Variants in WDR72 observed in about 807,000 individuals in gnomAD.
WDR72 encodes WD repeat domain 72, also known as WD repeat-containing protein 72.
Under a neutral mutation model 124.2 loss-of-function variants are expected in WDR72, and 120 were observed. The ratio of observed to expected loss-of-function variants is 0.97; its 90% CI spans 0.83 to 1.12. WDR72 has a LOEUF of 1.12. Ranked by LOEUF, WDR72 falls within the 50% of genes most tolerant of loss-of-function variation. The pLI, the probability that WDR72 is intolerant of heterozygous loss-of-function variation, is 0.00. For missense variants in WDR72, 1,387 were observed against 1,278.8 expected (o/e 1.08, Z -1.29); for synonymous variants, 452 against 441.7 (o/e 1.02, Z -0.29).
chr15:53,742,242 G>A (rs933504246), intron 1 of WDR72, among the ~76,000 whole-genome samples: 2 of 152,078 alleles, frequency 1.3e-5, no homozygotes, highest in African/African-American at 4.8e-5. Context: ...CATGTCTTCT[G>A]ATATCCCTAA....
At position 53,714,444 on chromosome 15, in the gene WDR72, T is replaced by C. The variant is rs2017646747; in HGVS notation, c.581A>G (p.Asn194Ser). Residue 194 changes from asparagine (N) to serine (S), a missense_variant, in exon 6 of 20, where the codon AAC becomes AGC. Transcript: ENST00000360509. ...GGTTCCCAAGCCAACCTGAATGCTG[T>C]TGATAGATGAGGAAAGATCCCATAC... Reference protein sequence around the residue: ...LKVWDLSSSINSIQEKQDVYE... With the variant: ...LKVWDLSSSISSIQEKQDVYE... 2 of 1,613,558 alleles carry C rather than the reference T, an allele frequency of 1.2e-6. No individual in the cohort carries two copies. Among genetic ancestry groups the C allele is most frequent in the Non-Finnish European group, 1.7e-6 (2 of 1,179,696 alleles).
chr15:53,516,513 A>G lies in WDR72; in HGVS notation c.*1186T>C, dbSNP rs1205365089. ...GATATAGCTATATATCATATATTTA[A>G]TGCTTTATATCCCTTTTTCAATTAT... is the stretch of plus-strand genomic sequence containing the variant. On this transcript the variant is annotated 3_prime_UTR_variant, in exon 20 of 20. Transcript: ENST00000360509. 1 of 151,582 alleles carries G rather than the reference A, an allele frequency of 6.6e-6. No homozygotes were observed. The highest frequency in any genetic ancestry group is 2.4e-5 in the African/African-American group (1 of 41,262). 9.4% of individuals were successfully genotyped at this position (151,582 alleles called of 1,614,324 possible).
intron 1 of WDR72, among the ~76,000 whole-genome samples, chr15:53,739,606 T>A (rs1410638778): frequency 6.6e-6 from 1 of 152,216 alleles, no homozygotes; most frequent in Non-Finnish European, 1.5e-5. Flanking sequence ...AAGTGAAGAC[T>A]GCAAAGCAGG....
chr15:53,723,912 T>C (rs992583768), intron 2 of WDR72, among the ~76,000 whole-genome samples: 1 of 152,168 alleles, frequency 6.6e-6, no homozygotes, highest in Non-Finnish European at 1.5e-5. Context: ...GTTGAATCCA[T>C]GGATGCAGAA....
chr15:53,663,663 C>T (rs1253319305), intron 14 of WDR72, among the ~76,000 whole-genome samples: 1 of 151,796 alleles, frequency 6.6e-6, no homozygotes, highest in African/African-American at 2.4e-5. Context: ...AAGAGACATT[C>T]CCCCGGTTCT....
intron 18 of WDR72, among the ~76,000 whole-genome samples, chr15:53,530,316 G>T (rs1892380083): frequency 6.6e-6 from 1 of 151,796 alleles, no homozygotes; most frequent in East Asian, 2.0e-4. Context: ...TACAGATAAT[G>T]AAGAAAAAGA....
chr15:53,583,888 T>C (rs941293767), intron 18 of WDR72, among the ~76,000 whole-genome samples: 6 of 151,984 alleles, frequency 3.9e-5, no homozygotes, highest in African/African-American at 1.4e-4. Context: ...TCATTGAATA[T>C]TAATATAAAC....
chr15:53,579,862 G>A (rs1039269155), intron 18 of WDR72, among the ~76,000 whole-genome samples: 1 of 152,074 alleles, frequency 6.6e-6, no homozygotes, highest in South Asian at 2.1e-4. Flanking sequence ...GCCTGTAATA[G>A]AAAGATCAAG....
intron 17 of WDR72, among the ~76,000 whole-genome samples, chr15:53,602,502 A>C (rs796147150): frequency 6.6e-6 from 1 of 152,082 alleles, no homozygotes; most frequent in Non-Finnish European, 1.5e-5. Context: ...GAACTAAAGG[A>C]GATAACTCAC....
intron 14 of WDR72, among the ~76,000 whole-genome samples, chr15:53,617,516 G>A (rs529083817): frequency 5.1e-4 from 77 of 151,492 alleles, no homozygotes; most frequent in Non-Finnish European, 6.5e-4. Context: ...ATTATAAATG[G>A]TAAAAAATGA....
Position 53,733,028 on chromosome 15 carries a change from A to G in WDR72, c.122T>C (p.Leu41Pro). The G allele has an allele frequency of 6.2e-7, 1 of 1,614,088 alleles. No individual in the cohort carries two copies. The highest frequency in any genetic ancestry group is 8.5e-7 in the Non-Finnish European group (1 of 1,179,970). ...TTCATGTGAGAGATTCCAGAGACAGAGCTGACCCTCTTGACTTCCAGTCAC... is the reference window on the plus strand; with the variant it reads ...TTCATGTGAGAGATTCCAGAGACAGGGCTGACCCTCTTGACTTCCAGTCAC... ...TIVTGSQEGQ[L>P]CLWNLSHELK... The change falls in exon 2 of 20, where the codon CTC becomes CCC. Residue 41 changes from leucine (L) to proline (P), a missense_variant. Transcript: ENST00000360509.
intron 16 of WDR72, among the ~76,000 whole-genome samples, chr15:53,613,138 G>C (rs779793218): frequency 9.9e-5 from 15 of 152,116 alleles, no homozygotes; most frequent in Non-Finnish European, 1.9e-4. Context: ...AAGCAGGTTT[G>C]GGAGATACAT....
chr15:53,659,331 C>A (rs689631), intron 14 of WDR72, among the ~76,000 whole-genome samples: 2 of 152,016 alleles, frequency 1.3e-5, no homozygotes, highest in Non-Finnish European at 2.9e-5. Context: ...AGAGTCCTTC[C>A]GTTGCTGGCA....
chr15:53,536,831 C>A (rs1892788440), intron 18 of WDR72, among the ~76,000 whole-genome samples: 1 of 152,146 alleles, frequency 6.6e-6, no homozygotes, highest in Non-Finnish European at 1.5e-5. Context: ...AGCTGCTTGA[C>A]CGTAAAAAGT....
intron 18 of WDR72, among the ~76,000 whole-genome samples, chr15:53,575,229 T>G (rs1246013721): frequency 6.6e-6 from 1 of 152,110 alleles, no homozygotes; most frequent in Non-Finnish European, 1.5e-5. Flanking sequence ...AACTGTCAAG[T>G]CAGAAAACTC....
In WDR72 at chr15:53,665,742, C is replaced by T; in HGVS notation, c.1792G>A (p.Glu598Lys). ...CAATTAAGAATAATTCGTGCTCTTT[C>T]TCCTGTCTCATGTCTTTCCAAAGTG... ...TGTLERHETG[E>K]RARIILNCCD... The change falls in exon 14 of 20, where the codon GAA becomes AAA. Residue 598 changes from glutamate to lysine, a missense_variant. Physicochemically the swap from Glu to Lys is moderately conservative, Grantham distance 56. Transcript: ENST00000360509. The T allele has an allele frequency of 6.2e-7, 1 of 1,613,818 alleles. No homozygotes were observed. Among genetic ancestry groups the T allele is most frequent in the Non-Finnish European group, 8.5e-7 (1 of 1,179,836 alleles).
chr15:53,695,345 A>G (rs2016970664), intron 13 of WDR72, among the ~76,000 whole-genome samples: 1 of 152,236 alleles, frequency 6.6e-6, no homozygotes, highest in Admixed American at 6.5e-5. Flanking sequence ...TAAAAGAATA[A>G]TTAGCTCAGA....
chr15:53,561,585 G>C (rs1894126708), intron 18 of WDR72, among the ~76,000 whole-genome samples: 1 of 151,666 alleles, frequency 6.6e-6, no homozygotes, highest in Non-Finnish European at 1.5e-5. Flanking sequence ...TATCCAAAGT[G>C]CCTGTTACCT....
At position 53,609,568 on chromosome 15, in the gene WDR72, T is replaced by C; in HGVS notation, c.2897A>G (p.Glu966Gly). ...RNGKNESHVPEADLSLLKLIS... is the reference protein window; with the variant it reads ...RNGKNESHVPGADLSLLKLIS... ...TAGCTTCAAAAGTGAAAGGTCAGCC[T>C]CAGGTACATGGGATTCATTCTTACC... The change falls in exon 17 of 20, where the codon GAG (glutamate) becomes GGG (glycine). Residue 966 changes from glutamate (E) to glycine (G), a missense_variant. Coordinates refer to ENST00000360509, the MANE Select transcript of WDR72 (RefSeq NM_182758.4). The C allele has an allele frequency of 6.2e-7, 1 of 1,613,522 alleles. No individual in the cohort carries two copies. Among genetic ancestry groups the C allele is most frequent in the Non-Finnish European group, 8.5e-7 (1 of 1,179,614 alleles).
Sources: gnomAD v4.1 joint callset for allele counts (sites outside exome capture counted in the v4.1 genomes callset) on GRCh38, gnomAD v4.1.1 for gene constraint, MANE v1.5 for transcripts, NCBI Gene and HGNC (gene_info 2026-07-23, HGNC 2026-07-21) for gene names.